Variants in SMO observed in about 807,000 individuals in gnomAD.
SMO encodes protein smoothened.
A neutral mutation model predicts 81.6 loss-of-function variants in SMO; 40 were observed. The ratio of observed to expected loss-of-function variants is 0.49; its 90% CI spans 0.38 to 0.64. The LOEUF (loss-of-function observed/expected upper bound fraction) is 0.64, where lower values mean the gene tolerates loss of function less well. Ranked by LOEUF, SMO falls within the 30% of genes least tolerant of loss-of-function variation. The probability of loss-of-function intolerance (pLI) is 0.00; values close to 1 mark genes in which losing one functional copy is unlikely to be tolerated. For synonymous variants in SMO, 434 were observed against 432.1 expected (o/e 1.00, Z -0.05); for missense variants, 916 against 1,061.1 (o/e 0.86, Z 1.90).
intron 1 of SMO, among the ~76,000 whole-genome samples, chr7:129,193,765 A>AT (rs2150640942): frequency 1.4e-5 from 1 of 72,398 alleles, no homozygotes; most frequent in African/African-American, 5.2e-5. Context: ...TCTCAAAAAA[A>AT]AAAAAAAAAA....
rs999744472 is a variant in SMO at position 129,205,794 on chromosome 7, G to A, written c.920+12G>A. 6.3e-7 allele frequency: 1 copy of A among 1,599,522 alleles called. No homozygotes were observed. Among genetic ancestry groups the A allele is most frequent in the Non-Finnish European group, 8.5e-7 (1 of 1,176,706 alleles). On this transcript the variant is annotated intron_variant, in intron 4 of 11. Transcript: ENST00000249373. ...CTTGGGGAGCCCACGTAGGTGTCTT[G>A]GGGACCCAGAGGTGAAGGTACAGGG... is the stretch of plus-strand genomic sequence containing the variant.
chr7:129,200,360 G>A (rs146275205), intron 1 of SMO, among the ~76,000 whole-genome samples: 1,709 of 152,136 alleles, frequency 0.011, 42 homozygotes, highest in African/African-American at 0.039. Context: ...GGCGGAGCTC[G>A]CAGTGAGCCG....
At chr7:129,209,566 C>T (rs1451505001) in intron 8 of SMO, among the ~76,000 whole-genome samples, 169 bp downstream of exon 8, 2 of 152,190 alleles carry the variant, frequency 1.3e-5, no homozygotes, top group African/African-American at 2.4e-5. Context: ...GTTTCTCAAA[C>T]GTGGCAAACA....
rs1054694786 is a variant in SMO, at chr7:129,208,943, C to T, written c.1357+92C>T. 2 of 859,132 alleles carry T rather than the reference C, an allele frequency of 2.3e-6. No individual in the cohort carries two copies. Among genetic ancestry groups the T allele is most frequent in the African/African-American group, 3.3e-5 (2 of 60,236 alleles). 53.2% of individuals were successfully genotyped at this position (859,132 alleles called of 1,614,324 possible). A position where few individuals can be genotyped will look rare whatever the true frequency, so the allele number is the denominator to read the frequency against. ...ATGCGACCGGCAGGATGCAGTAAGTCAGTGGGACAAGTTAGCCATAGGGAC... is the reference window on the plus strand; with the variant it reads ...ATGCGACCGGCAGGATGCAGTAAGTTAGTGGGACAAGTTAGCCATAGGGAC... On this transcript the variant is annotated intron_variant, in intron 7 of 11. Transcript: ENST00000249373. The surrounding 1 kb of genome is among the most constrained non-coding windows in gnomAD (Gnocchi z 5.2).
At chr7:129,209,647 A>T in intron 8 of SMO, 1 of 468,406 alleles carries the variant, frequency 2.1e-6, no homozygotes, top group South Asian at 2.9e-5. Context: ...TGCATGTGTG[A>T]CTGTTAAGCA....
At chr7:129,196,201 G>A (rs191980838) in intron 1 of SMO, among the ~76,000 whole-genome samples, 1 of 151,766 alleles carries the variant, frequency 6.6e-6, no homozygotes, top group African/African-American at 2.4e-5. Context: ...TTTTAGTTAG[G>A]TGTAATTTTT....
chr7:129,196,890 G>A (rs992577414), intron 1 of SMO, among the ~76,000 whole-genome samples: 19 of 151,612 alleles, frequency 1.3e-4, no homozygotes, highest in African/African-American at 2.4e-4. Context: ...GGTGGCGGGC[G>A]CCTGTAGTCC....
Position 129,206,368 on chromosome 7 carries a change from AGGTATAGTGACT to A in SMO, c.1140+4_1140+15del. 6.2e-7 allele frequency: 1 copy of A among 1,614,098 alleles called. No individual in the cohort carries two copies. On this transcript the variant is annotated splice_donor_variant and splice_donor_5th_base_variant and coding_sequence_variant and intron_variant, in exon 5 of 12. Coordinates refer to ENST00000249373, the MANE Select transcript of SMO (RefSeq NM_005631.5). LOFTEE classifies it high-confidence loss of function. This position sits in a 1 kb window ranked among gnomAD's most constrained non-coding sequence, Gnocchi z 4.4. Reference sequence around the variant, plus strand: ...ACTGTGGCAATCCTTGCTGTGGCGCAGGTATAGTGACTGGTAGGAACGGGAGACCTGGATGGG... The same window carrying A: ...ACTGTGGCAATCCTTGCTGTGGCGCAGGTAGGAACGGGAGACCTGGATGGG...
At chr7:129,193,572 C>T (rs1793509885) in intron 1 of SMO, among the ~76,000 whole-genome samples, 1 of 150,302 alleles carries the variant, frequency 6.7e-6, no homozygotes, top group African/African-American at 2.5e-5. Flanking sequence ...TCCCGGCAAA[C>T]AGGGTGAAAC....
rs768843478 is a variant in SMO, at chr7:129,210,571, C to T, written c.1652+23C>T. 5 of 1,580,096 alleles carry T rather than the reference C, an allele frequency of 3.2e-6. No individual in the cohort carries two copies. The East Asian group carries it at 1.1e-4, about 35-fold the overall frequency. ...CAGGTGGGCATGGCAGCCAGCCCCT[C>T]CTGCCCTGCCCGCCTCACCCTCAGC... On this transcript the variant is annotated intron_variant, in intron 9 of 11. Transcript: ENST00000249373. This position sits in a 1 kb window ranked among gnomAD's most constrained non-coding sequence, Gnocchi z 4.7.
At position 129,206,198 on chromosome 7, in the gene SMO, C is replaced by CG; in HGVS notation, c.970dup (p.Ala324GlyfsTer116). ...TCATCATCTTTGTCATCGTGTACTA[C>CG]GCCCTGATGGCTGGTGTGGTTTGGT... On this transcript the variant is annotated frameshift_variant, in exon 5 of 12. Transcript: ENST00000249373. LOFTEE classifies it high-confidence loss of function. The surrounding 1 kb of genome is among the most constrained non-coding windows in gnomAD (Gnocchi z 4.4). 1 of 1,613,650 alleles carries CG rather than the reference C, an allele frequency of 6.2e-7. No individual in the cohort carries two copies. Among genetic ancestry groups the CG allele is most frequent in the Non-Finnish European group, 8.5e-7 (1 of 1,179,716 alleles).
intron 1 of SMO, among the ~76,000 whole-genome samples, chr7:129,202,338 G>A (rs1170476524): frequency 6.6e-6 from 1 of 152,030 alleles, no homozygotes; most frequent in Non-Finnish European, 1.5e-5. Context: ...CCATGCACAT[G>A]CCCCTTACCT....
chr7:129,192,889 C>T (rs543614288), intron 1 of SMO, among the ~76,000 whole-genome samples: 8 of 152,202 alleles, frequency 5.3e-5, no homozygotes, highest in Non-Finnish European at 8.8e-5. Flanking sequence ...GAGGTGGCCA[C>T]TGTGTGCTTC....
rs369778787 is a variant in SMO at position 129,211,644 on chromosome 7, G to C, written c.1810G>C (p.Ala604Pro). Residue 604 changes from alanine to proline, a missense_variant, in exon 11 of 12, where the codon GCC becomes CCC. This residue lies in a region of SMO where 324 missense variants were observed against 312.9 expected (regional missense o/e 1.04). Transcript: ENST00000249373. This position sits in a 1 kb window ranked among gnomAD's most constrained non-coding sequence, Gnocchi z 4.6. ...TCCTTCCATTCCCACAGCGGGCTTG[G>C]CCTTTGACCTCAATGAGCCCTCAGC... ...VSHDGPVAGLAFDLNEPSADV... is the reference protein window; with the variant it reads ...VSHDGPVAGLPFDLNEPSADV... 6.2e-7 allele frequency: 1 copy of C among 1,612,870 alleles called. No homozygotes were observed.
At position 129,210,654 on chromosome 7, in the gene SMO, T is replaced by A; in HGVS notation, c.1652+106T>A. On this transcript the variant is annotated intron_variant, in intron 9 of 11. Coordinates refer to ENST00000249373, the MANE Select transcript of SMO (RefSeq NM_005631.5). The surrounding 1 kb of genome is among the most constrained non-coding windows in gnomAD (Gnocchi z 4.7). ...CTGCCTCTAGCACAGCCTTGGTCAGTGGTTCACCGCTGCCCCCTGGTGGCA... is the reference window on the plus strand; with the variant it reads ...CTGCCTCTAGCACAGCCTTGGTCAGAGGTTCACCGCTGCCCCCTGGTGGCA... 2 of 948,378 alleles carry A rather than the reference T, an allele frequency of 2.1e-6. No homozygotes were observed. Among genetic ancestry groups the A allele is most frequent in the Non-Finnish European group, 3.2e-6 (2 of 624,324 alleles). The allele number at this position is 948,378 out of a possible 1,614,324, so 58.7% of individuals were successfully genotyped here. A position where few individuals can be genotyped will look rare whatever the true frequency, so the allele number is the denominator to read the frequency against.
At chr7:129,202,135 C>T (rs955977607) in intron 1 of SMO, among the ~76,000 whole-genome samples, 1 of 152,150 alleles carries the variant, frequency 6.6e-6, no homozygotes, top group Non-Finnish European at 1.5e-5. Context: ...ATTTCCTGAG[C>T]GCTTACTACA....
Position 129,212,410 on chromosome 7 carries a change from C to T in SMO, c.2323C>T (p.Leu775=), listed in dbSNP as rs2150657306. The T allele has an allele frequency of 1.2e-6, 2 of 1,613,928 alleles. No homozygotes were observed. The highest frequency in any genetic ancestry group is 2.2e-5 in the South Asian group (2 of 91,080). ...GGGGCCTATTCACTCCCGCACCAACCTGATGGACACAGAACTCATGGATGC... is the reference window on the plus strand; with the variant it reads ...GGGGCCTATTCACTCCCGCACCAACTTGATGGACACAGAACTCATGGATGC... ...GLGPIHSRTN[L]MDTELMDADS... The change falls in exon 12 of 12, where the codon CTG becomes TTG. Residue 775 remains leucine (L), a synonymous_variant. Transcript: ENST00000249373. This position sits in a 1 kb window ranked among gnomAD's most constrained non-coding sequence, Gnocchi z 5.0.
chr7:129,190,967 AAATAAT>A (rs201261267), intron 1 of SMO, among the ~76,000 whole-genome samples: 18 of 152,076 alleles, frequency 1.2e-4, no homozygotes, highest in Admixed American at 9.8e-4. Flanking sequence ...CAAAAGACTG[AAATAAT>A]AATAATAATA....
At position 129,203,483 on chromosome 7, in the gene SMO, G is replaced by A. The variant is rs116193648; in HGVS notation, c.431G>A (p.Arg144His). ...CENDRVELPS[R>H]TLCQATRGPC... is the part of the protein sequence containing the mutation. ...AATGACCGGGTGGAGCTGCCCAGCCGTACCCTCTGCCAGGCCACCCGAGGC... is the reference window on the plus strand; with the variant it reads ...AATGACCGGGTGGAGCTGCCCAGCCATACCCTCTGCCAGGCCACCCGAGGC... Residue 144 changes from arginine to histidine, a missense_variant, in exon 2 of 12, where the codon CGT becomes CAT. Arg to His is a conservative substitution (Grantham distance 29). Coordinates refer to ENST00000249373, the MANE Select transcript of SMO (RefSeq NM_005631.5). 126 of 1,597,586 alleles carry A rather than the reference G, an allele frequency of 7.9e-5. No individual in the cohort carries two copies. Among genetic ancestry groups the A allele is most frequent in the African/African-American group, 5.1e-4 (38 of 74,812 alleles).
Sources: allele counts gnomAD v4.1 joint callset (sites outside exome capture counted in the v4.1 genomes callset), GRCh38; gene constraint gnomAD v4.1.1; regional missense constraint gnomAD v4.1.1; non-coding constraint Gnocchi (gnomAD v3.1); transcripts MANE v1.5; gene names NCBI Gene and HGNC (gene_info 2026-07-23, HGNC 2026-07-21).